ERCC4: variants seen among roughly 807,000 people sequenced by gnomAD.
ERCC4 encodes DNA repair endonuclease XPF.
Under a neutral mutation model 76.9 loss-of-function variants are expected in ERCC4, and 65 were observed. The observed-to-expected ratio is 0.84, with a 90% CI of 0.69 to 1.04. The LOEUF is 1.04. Among genes scored for constraint, ERCC4 ranks in the 50% least tolerant of loss-of-function variants. The pLI is 0.00. For synonymous variants in ERCC4, 463 were observed against 410.1 expected (o/e 1.13, Z -1.56); for missense variants, 1,214 against 1,128.2 (o/e 1.08, Z -1.09).
Position 13,944,739 on chromosome 16 carries a change from G to C in ERCC4, c.1921G>C (p.Val641Leu), listed in dbSNP as rs770771750. 6.2e-7 allele frequency: 1 copy of C among 1,612,766 alleles called. No homozygotes were observed. The highest frequency in any genetic ancestry group is 8.5e-7 in the Non-Finnish European group (1 of 1,178,730). Residue 641 changes from valine to leucine, a missense_variant, in exon 10 of 11, where the codon GTT becomes CTT. By Grantham distance (32) the Val-to-Leu change is conservative (BLOSUM62 1). Transcript: ENST00000311895. The part of the protein sequence containing the change: ...EKLIREKASM[V>L]VPEEREGRDE... ...CTCCCACAGGGAAAAAGCAAGCATG[G>C]TTGTCCCTGAAGAAAGAGAAGGCAG...
Position 13,926,572 on chromosome 16 carries a change from T to TATA in ERCC4, c.401_403dup (p.Tyr134_Arg135insAsn). ...TTTCTCCCCCTCAGGCATCTTGGTG[T>TATA]ATAGAGCCCACAGAATAATCGAGTC... On this transcript the variant is annotated inframe_insertion, in exon 3 of 11. Coordinates refer to ENST00000311895, the MANE Select transcript of ERCC4 (RefSeq NM_005236.3). 6.2e-7 allele frequency: 1 copy of TATA among 1,613,996 alleles called. No homozygotes were observed. The highest frequency in any genetic ancestry group is 8.5e-7 in the Non-Finnish European group (1 of 1,179,878).
At chr16:13,943,695 C>G (rs1403777179) in intron 9 of ERCC4, among the ~76,000 whole-genome samples, 1 of 151,754 alleles carries the variant, frequency 6.6e-6, no homozygotes, top group Admixed American at 6.6e-5. Flanking sequence ...TTCCCCTCAC[C>G]TTAGTCTGTT....
At chr16:13,927,934 T>G in intron 3 of ERCC4, 94 bp from the exon 4 acceptor site, 1 of 861,664 alleles carries the variant, frequency 1.2e-6, no homozygotes, top group Non-Finnish European at 1.9e-6. Flanking sequence ...TCGTGTTGTT[T>G]GTAGCATTTA....
At chr16:13,941,461 A>G (rs1441545187) in intron 9 of ERCC4, among the ~76,000 whole-genome samples, 1 of 152,226 alleles carries the variant, frequency 6.6e-6, no homozygotes, top group Non-Finnish European at 1.5e-5. Context: ...TGTGTACTTA[A>G]GAGAAAAATT....
Position 13,932,249 on chromosome 16 carries a change from A to G in ERCC4, c.1066A>G (p.Lys356Glu), listed in dbSNP as rs772092631. 2 of 1,611,438 alleles carry G rather than the reference A, an allele frequency of 1.2e-6. No individual in the cohort carries two copies. Among genetic ancestry groups the G allele is most frequent in the Non-Finnish European group, 1.7e-6 (2 of 1,177,960 alleles). Residue 356 changes from lysine (K) to glutamate (E), a missense_variant, in exon 6 of 11, where the codon AAA becomes GAA. Lys to Glu is a moderately conservative substitution (Grantham distance 56). Transcript: ENST00000311895. ...AGATGCCAAAATGAGTAAAAAAGAA[A>G]AAATATCTGAAAAAATGGAAATTAA... Reference protein sequence around the residue: ...LPDAKMSKKEKISEKMEIKEG... With the variant: ...LPDAKMSKKEEISEKMEIKEG...
chr16:13,937,209 C>G lies in ERCC4; in HGVS notation c.1812-557C>G, dbSNP rs1022035876. 2.6e-5 allele frequency among the ~76,000 whole-genome samples: 4 copies of G among 151,560 alleles called. No individual in the cohort carries two copies. In the Admixed American group the frequency reaches 2.6e-4, roughly 10 times the overall value. Reference sequence around the variant, plus strand: ...GGGATTACAGGTGTGAGCCACCGTGCCCAGCCTAAAAACCAGGACTTTTCT... The same window carrying G: ...GGGATTACAGGTGTGAGCCACCGTGGCCAGCCTAAAAACCAGGACTTTTCT... On this transcript the variant is annotated intron_variant, in intron 8 of 10. Transcript: ENST00000311895.
chr16:13,924,828 C>T (rs566315569), intron 2 of ERCC4, among the ~76,000 whole-genome samples: 68 of 152,124 alleles, frequency 4.5e-4, no homozygotes, highest in African/African-American at 1.5e-3. Flanking sequence ...TTCCTGTTCT[C>T]GGGCAGTTTA....
chr16:13,925,892 G>A (rs900155493), intron 2 of ERCC4, among the ~76,000 whole-genome samples: 3 of 152,098 alleles, frequency 2.0e-5, no homozygotes, highest in Non-Finnish European at 4.4e-5. Context: ...AACAAAGCAT[G>A]TATAATTGTT....
chr16:13,939,200 C>G (rs1011087171), intron 9 of ERCC4, among the ~76,000 whole-genome samples: 2 of 152,160 alleles, frequency 1.3e-5, no homozygotes, highest in African/African-American at 4.8e-5. Flanking sequence ...CTCTGTCTTA[C>G]TCTTTGTCTG....
chr16:13,922,106 A>C lies in ERCC4; in HGVS notation c.283A>C (p.Asn95His), dbSNP rs1438009344. The C allele has an allele frequency of 6.2e-7, 1 of 1,613,836 alleles. No homozygotes were observed. ...CCGTGTAACAAATGAAATCACAAGCAACAGTCGCTATGAAGTTTACACACA... is the reference window on the plus strand; with the variant it reads ...CCGTGTAACAAATGAAATCACAAGCCACAGTCGCTATGAAGTTTACACACA... ...PRRVTNEITS[N>H]SRYEVYTQGG... is the part of the protein sequence containing the mutation. Residue 95 changes from asparagine to histidine, a missense_variant, in exon 2 of 11, where the codon AAC becomes CAC. By Grantham distance (68) the Asn-to-His change is moderately conservative. Coordinates refer to ENST00000311895, the MANE Select transcript of ERCC4 (RefSeq NM_005236.3).
At chr16:13,938,635 T>G (rs2032352748) in intron 9 of ERCC4, among the ~76,000 whole-genome samples, 1 of 152,078 alleles carries the variant, frequency 6.6e-6, no homozygotes, top group African/African-American at 2.4e-5. Context: ...CAGAGAAAGT[T>G]AGATCAGCAG....
At chr16:13,921,219 G>T (rs1244055841) in intron 1 of ERCC4, among the ~76,000 whole-genome samples, 3 of 152,166 alleles carry the variant, frequency 2.0e-5, no homozygotes, top group Non-Finnish European at 4.4e-5. Flanking sequence ...ATTCACCAAG[G>T]CTGTGTTAAG....
intron 4 of ERCC4, among the ~76,000 whole-genome samples, chr16:13,929,690 G>T (rs570594084): frequency 2.0e-5 from 3 of 152,346 alleles, no homozygotes; most frequent in Admixed American, 2.0e-4. Flanking sequence ...AATTGGCCGG[G>T]TGCGGTGGCT....
At chr16:13,931,008 A>T (rs1372270778) in intron 5 of ERCC4, 118 bp downstream of exon 5, 3 of 732,232 alleles carry the variant, frequency 4.1e-6, no homozygotes, top group Non-Finnish European at 7.2e-6. Context: ...TGAGATTTCA[A>T]ATTATGTTTT....
At chr16:13,941,049 G>A (rs2032403606) in intron 9 of ERCC4, among the ~76,000 whole-genome samples, 2 of 152,194 alleles carry the variant, frequency 1.3e-5, no homozygotes, top group African/African-American at 4.8e-5. Context: ...GTAGATAGTA[G>A]TAAGGTACCA....
Position 13,926,744 on chromosome 16 carries a change from A to G in ERCC4, c.572A>G (p.Tyr191Cys), listed in dbSNP as rs923291168. Residue 191 changes from tyrosine (Y) to cysteine (C), a missense_variant, in exon 3 of 11, where the codon TAT becomes TGT. Transcript: ENST00000311895. ...VMRNLFVRKL[Y>C]LWPRFHVAVN... ...AGAAATCTTTTTGTGAGGAAACTGT[A>G]TCTGTGGCCAAGGTAAAGAACATTA... The G allele has an allele frequency of 6.2e-7, 1 of 1,612,860 alleles. No individual in the cohort carries two copies. Among genetic ancestry groups the G allele is most frequent in the Non-Finnish European group, 8.5e-7 (1 of 1,178,878 alleles).
chr16:13,925,897 A>G (rs1171869086), intron 2 of ERCC4, among the ~76,000 whole-genome samples: 1 of 152,136 alleles, frequency 6.6e-6, no homozygotes, highest in East Asian at 1.9e-4. Flanking sequence ...AGCATGTATA[A>G]TTGTTCTTAT....
At chr16:13,923,333 A>G (rs1009872387) in intron 2 of ERCC4, among the ~76,000 whole-genome samples, 5 of 152,236 alleles carry the variant, frequency 3.3e-5, no homozygotes, top group Non-Finnish European at 7.3e-5. Flanking sequence ...GGTAGGCACT[A>G]AAGACGTATT....
In ERCC4 at chr16:13,948,330, G is replaced by A. The variant is rs150077735; in HGVS notation, c.2734G>A (p.Gly912Arg). The stretch of plus-strand genomic sequence containing the variant: ...CTCTTTTGCAGAAGTCGTATCAAAA[G>A]GAAAAGGGAAAAAGTGAACAGTGAT... Reference protein sequence around the residue: ...HTSFAEVVSKGKGKK With the variant: ...HTSFAEVVSKRKGKK The change falls in exon 11 of 11, where the codon GGA becomes AGA. Residue 912 changes from glycine (G) to arginine (R), a missense_variant. Gly to Arg is a moderately radical substitution (Grantham distance 125). Transcript: ENST00000311895. 106 of 1,611,460 alleles carry A rather than the reference G, an allele frequency of 6.6e-5. 2 individuals carry two copies. The East Asian group carries it at 2.1e-3, about 32-fold the overall frequency.
Sources: allele counts gnomAD v4.1 joint callset (sites outside exome capture counted in the v4.1 genomes callset), GRCh38; gene constraint gnomAD v4.1.1; transcripts MANE v1.5; gene names NCBI Gene and HGNC (gene_info 2026-07-23, HGNC 2026-07-21).